The following ADGRB1 variants were observed in gnomAD, a reference collection of about 807,000 sequenced individuals.
ADGRB1 encodes the protein adhesion G protein-coupled receptor B1.
ADGRB1 carries 36 observed loss-of-function variants against 175.7 expected under a neutral mutation model. That is an observed-to-expected ratio of 0.20 (90% confidence interval 0.16 to 0.27). The LOEUF (loss-of-function observed/expected upper bound fraction) is 0.27, where lower values mean the gene tolerates loss of function less well. Ranked by LOEUF, ADGRB1 falls within the 10% of genes least tolerant of loss-of-function variation. The pLI is 1.00. For missense variants in ADGRB1, 1,731 were observed against 2,255.3 expected, an observed-to-expected ratio of 0.77 and a Z score of 4.71; for synonymous variants, 1,054 against 979.4, an observed-to-expected ratio of 1.08 and a Z score of -1.42.
chr8:142,535,592 G>A (rs535627013), intron 25 of ADGRB1, among the ~76,000 whole-genome samples: 36 of 152,304 alleles, frequency 2.4e-4, no homozygotes, highest in Non-Finnish European at 2.4e-4. Flanking sequence ...AGGCCATGCC[G>A]GGCAGCCCAG....
chr8:142,494,656 A>G (rs1261815951), intron 17 of ADGRB1, among the ~76,000 whole-genome samples: 4 of 151,478 alleles, frequency 2.6e-5, no homozygotes, highest in African/African-American at 9.7e-5. Flanking sequence ...ATGCTCTGTA[A>G]ACCCTGAGCC....
At chr8:142,526,978 T>C (rs1192259362) in intron 24 of ADGRB1, among the ~76,000 whole-genome samples, 1 of 152,136 alleles carries the variant, frequency 6.6e-6, no homozygotes, top group Non-Finnish European at 1.5e-5. Flanking sequence ...CCCACTCCCC[T>C]ACCACAAGGC....
chr8:142,473,337 A>AT (rs1015672237), intron 2 of ADGRB1, among the ~76,000 whole-genome samples: 2 of 152,122 alleles, frequency 1.3e-5, no homozygotes, highest in Non-Finnish European at 2.9e-5. Context: ...TTGCCTCAGA[A>AT]TCGGGGTGGT....
At chr8:142,452,730 C>A (rs1839427336) in intron 1 of ADGRB1, among the ~76,000 whole-genome samples, 1 of 152,086 alleles carries the variant, frequency 6.6e-6, no homozygotes, top group Non-Finnish European at 1.5e-5. Flanking sequence ...CTAGCAAGCG[C>A]CCGGGGTCCG....
rs564993919 is a variant in ADGRB1, at chr8:142,464,634, C to T, written c.436C>T (p.Arg146Trp). 3 of 1,520,362 alleles carry T rather than the reference C, an allele frequency of 2.0e-6. No individual in the cohort carries two copies. The highest frequency in any genetic ancestry group is 2.6e-6 in the Non-Finnish European group (3 of 1,139,020). 94.2% of individuals were successfully genotyped at this position (1,520,362 alleles called of 1,614,324 possible). ...LQASKQFLQM[R>W]RQQPPQHDGL... is the part of the protein sequence containing the mutation. ...GGCCAGCAAGCAGTTCCTGCAGATG[C>T]GGCGCCAGCAGCCGCCCCAGCACGA... Residue 146 changes from arginine to tryptophan, a missense_variant, in exon 2 of 31, where the codon CGG (arginine) becomes TGG (tryptophan). By Grantham distance (101) the Arg-to-Trp change is moderately radical. Coordinates refer to ENST00000517894, the MANE Select transcript of ADGRB1 (RefSeq NM_001702.3).
chr8:142,478,957 G>A (rs1401404743), intron 7 of ADGRB1, among the ~76,000 whole-genome samples: 1 of 149,214 alleles, frequency 6.7e-6, no homozygotes, highest in Non-Finnish European at 1.5e-5. Flanking sequence ...GACTTGGGGT[G>A]TCTGTGGAGA....
intron 27 of ADGRB1, among the ~76,000 whole-genome samples, chr8:142,541,690 G>T (rs1236033157): frequency 6.6e-6 from 1 of 152,178 alleles, no homozygotes; most frequent in Non-Finnish European, 1.5e-5. Flanking sequence ...TCTTCTTGGG[G>T]CCAGTGGAGA....
intron 17 of ADGRB1, among the ~76,000 whole-genome samples, chr8:142,502,994 A>G (rs1842696057): frequency 6.6e-6 from 1 of 150,934 alleles, no homozygotes; most frequent in African/African-American, 2.4e-5. Context: ...TAACACATGG[A>G]GGGGGTGGTG....
intron 17 of ADGRB1, among the ~76,000 whole-genome samples, chr8:142,499,918 T>TA (rs1408441054): frequency 1.9e-3 from 1 of 532 alleles, no homozygotes; most frequent in Non-Finnish European, 4.2e-3. Flanking sequence ...AGCAGGCTTA[T>TA]GGGTTGGGCC....
intron 17 of ADGRB1, among the ~76,000 whole-genome samples, chr8:142,495,909 G>A (rs1044267515): frequency 1.4e-5 from 2 of 143,852 alleles, no homozygotes; most frequent in Non-Finnish European, 3.0e-5. Flanking sequence ...GTGGATGAGT[G>A]CATGAGTGGG....
rs1338452253 is a variant in ADGRB1, at chr8:142,543,474, G to A, written c.4449+36G>A. ...GTGTCCCCCCCCACCAGACACTTAGGGCCAGATGTGCTCTGGGCTCCCACA... is the reference window on the plus strand; with the variant it reads ...GTGTCCCCCCCCACCAGACACTTAGAGCCAGATGTGCTCTGGGCTCCCACA... On this transcript the variant is annotated intron_variant, in intron 29 of 30. Coordinates refer to ENST00000517894, the MANE Select transcript of ADGRB1 (RefSeq NM_001702.3). This position sits in a 1 kb window ranked among gnomAD's most constrained non-coding sequence, Gnocchi z 4.4. 1 of 1,612,904 alleles carries A rather than the reference G, an allele frequency of 6.2e-7. No individual in the cohort carries two copies. The highest frequency in any genetic ancestry group is 8.5e-7 in the Non-Finnish European group (1 of 1,179,488).
chr8:142,470,311 A>G (rs1479947134), intron 2 of ADGRB1, among the ~76,000 whole-genome samples: 1 of 152,150 alleles, frequency 6.6e-6, no homozygotes, highest in Non-Finnish European at 1.5e-5. Flanking sequence ...TCATGTTTTA[A>G]TTAAAGAATT....
intron 23 of ADGRB1, among the ~76,000 whole-genome samples, chr8:142,524,847 G>A (rs769916199): frequency 5.9e-5 from 9 of 152,208 alleles, no homozygotes; most frequent in East Asian, 1.9e-4. Context: ...CAGGGTCACC[G>A]TCCTGGGGTC....
intron 17 of ADGRB1, among the ~76,000 whole-genome samples, chr8:142,498,089 C>G (rs539381098): frequency 1.8e-4 from 28 of 152,206 alleles, no homozygotes; most frequent in African/African-American, 6.7e-4. Flanking sequence ...ACTCTGGGAC[C>G]CCATCTGTCC....
Position 142,530,469 on chromosome 8 carries a change from G to A in ADGRB1, c.3399-2826G>A, listed in dbSNP as rs1188935071. 3.3e-5 allele frequency among the ~76,000 whole-genome samples: 5 copies of A among 152,270 alleles called. No homozygotes were observed. In the East Asian group the frequency reaches 9.7e-4, roughly 29 times the overall value. ...ACCCAAGGTGAGGGTGGTGCGCCCA[G>A]GTGCATACCCCTGTACCCTCCTGCT... On this transcript the variant is annotated intron_variant, in intron 24 of 30. Transcript: ENST00000517894.
At chr8:142,536,324 T>G (rs914273067) in intron 25 of ADGRB1, among the ~76,000 whole-genome samples, 2 of 151,988 alleles carry the variant, frequency 1.3e-5, no homozygotes, top group African/African-American at 4.8e-5. Flanking sequence ...ACAGTTGGCA[T>G]TCGTAGATGA....
At chr8:142,527,700 G>A (rs894072228) in intron 24 of ADGRB1, among the ~76,000 whole-genome samples, 1 of 152,174 alleles carries the variant, frequency 6.6e-6, no homozygotes, top group Admixed American at 6.5e-5. Flanking sequence ...ACTCAGAAGA[G>A]GTCCCCAGGG....
intron 17 of ADGRB1, among the ~76,000 whole-genome samples, chr8:142,503,508 A>G (rs554513138): frequency 4.6e-5 from 7 of 152,222 alleles, no homozygotes; most frequent in African/African-American, 1.7e-4. Flanking sequence ...GCCCCCTGCC[A>G]GCAGGGGTAG....
In ADGRB1 at chr8:142,511,703, G is replaced by C. The variant is rs769978614; in HGVS notation, c.2817+630G>C. On this transcript the variant is annotated intron_variant, in intron 18 of 30. Transcript: ENST00000517894. This position sits in a 1 kb window ranked among gnomAD's most constrained non-coding sequence, Gnocchi z 4.5. Reference sequence around the variant, plus strand: ...GGGGTCAGCCGCTGGCAGGGGCCCTGGGTGCTGGGCGCAGCTCCCTGGGGC... The same window carrying C: ...GGGGTCAGCCGCTGGCAGGGGCCCTCGGTGCTGGGCGCAGCTCCCTGGGGC... 6.6e-5 allele frequency among the ~76,000 whole-genome samples: 10 copies of C among 152,224 alleles called. No homozygotes were observed. Among genetic ancestry groups the C allele is most frequent in the Non-Finnish European group, 1.3e-4 (9 of 68,028 alleles).
Sources: gnomAD v4.1 joint callset for allele counts (sites outside exome capture counted in the v4.1 genomes callset) on GRCh38, gnomAD v4.1.1 for gene constraint, Gnocchi (gnomAD v3.1) non-coding constraint, MANE v1.5 for transcripts, NCBI Gene and HGNC (gene_info 2026-07-23, HGNC 2026-07-21) for gene names.